TDRD10: variants seen among roughly 807,000 people sequenced by gnomAD.
TDRD10 encodes the protein tudor domain containing 10.
In TDRD10, 40 loss-of-function variants were observed where a neutral mutation model predicts 48.0. The observed-to-expected ratio is 0.83, with a 90% CI of 0.65 to 1.09. The LOEUF (loss-of-function observed/expected upper bound fraction) is 1.09. TDRD10 is among the 50% of genes least tolerant of loss of function. The pLI, the probability that TDRD10 is intolerant of heterozygous loss-of-function variation, is 0.00. For synonymous variants in TDRD10, 162 were observed against 170.4 expected (o/e 0.95, Z 0.38); for missense variants, 378 against 434.7 (o/e 0.87, Z 1.16).
intron 6 of TDRD10, among the ~76,000 whole-genome samples, chr1:154,524,339 G>T (rs1230200161): frequency 1.3e-5 from 2 of 152,004 alleles, no homozygotes; most frequent in African/African-American, 4.8e-5. Flanking sequence ...ACTAATTTTT[G>T]TATTTTTTGT....
At position 154,521,401 on chromosome 1, in the gene TDRD10, G is replaced by A; in HGVS notation, c.291G>A (p.Lys97=). ...AGCTGAATGGTAAACTCTTCCACAA[G>A]CGAAAACTGTTCGTGAATACAAGCA... ...IQELNGKLFH[K]RKLFVNTSKR... Residue 97 remains lysine (K), a synonymous_variant, in exon 6 of 13, where the codon AAG becomes AAA. Transcript: ENST00000368482. The A allele has an allele frequency of 2.5e-6, 4 of 1,614,206 alleles. No individual in the cohort carries two copies.
At chr1:154,510,910 G>T (rs1693430301) in intron 4 of TDRD10, among the ~76,000 whole-genome samples, 1 of 151,560 alleles carries the variant, frequency 6.6e-6, no homozygotes, top group Non-Finnish European at 1.5e-5. Context: ...GCGGGGCATG[G>T]TGGTGGGCGC....
At chr1:154,536,264 T>C (rs529464875) in intron 6 of TDRD10, among the ~76,000 whole-genome samples, 1 of 152,254 alleles carries the variant, frequency 6.6e-6, no homozygotes, top group East Asian at 1.9e-4. Flanking sequence ...TAATCCTAGC[T>C]ACTCAGGAGG....
intron 2 of TDRD10, 64 bp from the exon 3 acceptor site, chr1:154,507,177 G>GTC: frequency 6.9e-7 from 1 of 1,456,834 alleles, no homozygotes; most frequent in Non-Finnish European, 9.1e-7. Context: ...GCTTATGCCT[G>GTC]ACACGTTTCC....
chr1:154,514,870 A>ATTTT (rs1413936880), intron 4 of TDRD10, among the ~76,000 whole-genome samples: 8 of 150,186 alleles, frequency 5.3e-5, no homozygotes, highest in African/African-American at 2.0e-4. Context: ...TTATTTATTT[A>ATTTT]TTTATTTTTT....
intron 11 of TDRD10, among the ~76,000 whole-genome samples, chr1:154,545,845 A>C (rs1570994891): frequency 7.2e-6 from 1 of 138,932 alleles, no homozygotes; most frequent in Non-Finnish European, 1.5e-5. Flanking sequence ...ATCTCGGCTC[A>C]CTGCAACCTC....
intron 4 of TDRD10, among the ~76,000 whole-genome samples, chr1:154,513,599 C>T (rs920423952): frequency 1.3e-5 from 2 of 152,092 alleles, no homozygotes; most frequent in Admixed American, 6.5e-5. Flanking sequence ...ATTTTAGCCT[C>T]ACTAAAAATG....
intron 6 of TDRD10, among the ~76,000 whole-genome samples, chr1:154,530,979 C>T (rs905903485): frequency 6.6e-6 from 1 of 151,458 alleles, no homozygotes; most frequent in East Asian, 1.9e-4. Context: ...GCTGGGATTA[C>T]AGGGACCTGC....
At chr1:154,530,270 C>A (rs1295967774) in intron 6 of TDRD10, among the ~76,000 whole-genome samples, 1 of 152,170 alleles carries the variant, frequency 6.6e-6, no homozygotes. Flanking sequence ...CCGCCTCGGT[C>A]TCCCAGAGTG....
chr1:154,527,998 G>A (rs1694400395), intron 6 of TDRD10, among the ~76,000 whole-genome samples: 1 of 152,118 alleles, frequency 6.6e-6, no homozygotes, highest in Non-Finnish European at 1.5e-5. Flanking sequence ...TAGTAACATT[G>A]ACCCAGTCCA....
chr1:154,541,916 A>G (rs113721329), intron 6 of TDRD10, 108 bp from the exon 7 acceptor site: 1 of 1,108,352 alleles, frequency 9.0e-7, no homozygotes. Context: ...GAGTCAGAAC[A>G]GGGGCTGCCG....
chr1:154,515,055 A>G (rs1199120986), intron 4 of TDRD10, among the ~76,000 whole-genome samples: 1 of 151,862 alleles, frequency 6.6e-6, no homozygotes, highest in Middle Eastern at 3.4e-3. Context: ...TTTAGTAGAG[A>G]CGGGGCTTCA....
At chr1:154,516,877 G>T (rs1449399138) in intron 4 of TDRD10, among the ~76,000 whole-genome samples, 1 of 152,178 alleles carries the variant, frequency 6.6e-6, no homozygotes, top group Non-Finnish European at 1.5e-5. Context: ...AGCCTGGGAG[G>T]CAGTGGCTGT....
chr1:154,508,803 T>A (rs1693291056), intron 4 of TDRD10, among the ~76,000 whole-genome samples: 1 of 152,202 alleles, frequency 6.6e-6, no homozygotes, highest in South Asian at 2.1e-4. Context: ...AGGGCTCAGC[T>A]GCTGATCCTT....
chr1:154,521,439 A>G lies in TDRD10; in HGVS notation c.329A>G (p.Lys110Arg). ...GTGAATACAAGCAAAAGGCCCCCCA[A>G]GAGGACCCCTGATATGATCCAGCAG... ...LFVNTSKRPP[K>R]RTPDMIQQPR... is the part of the protein sequence containing the mutation. The change falls in exon 6 of 13, where the codon AAG (lysine) becomes AGG (arginine). Residue 110 changes from lysine (K) to arginine (R), a missense_variant. By Grantham distance (26) the Lys-to-Arg change is conservative. Around this residue, in one of 2 missense-constraint regions of TDRD10, gnomAD observed 310 missense variants for 323.6 expected, o/e 0.96. Transcript: ENST00000368482. The G allele has an allele frequency of 6.2e-7, 1 of 1,614,158 alleles. No homozygotes were observed. The highest frequency in any genetic ancestry group is 8.5e-7 in the Non-Finnish European group (1 of 1,180,034).
chr1:154,529,546 ATTTTT>A (rs56210038), intron 6 of TDRD10, among the ~76,000 whole-genome samples: 1 of 130,658 alleles, frequency 7.7e-6, no homozygotes, highest in Non-Finnish European at 1.7e-5. Context: ...TTCTGTGTTC[ATTTTT>A]TTTTTTTTTT....
intron 6 of TDRD10, among the ~76,000 whole-genome samples, chr1:154,525,098 T>C (rs1694242185): frequency 6.6e-6 from 1 of 152,230 alleles, no homozygotes; most frequent in African/African-American, 2.4e-5. Flanking sequence ...TCACATGCTT[T>C]CCTTTGCTCA....
rs563760756 is a variant in TDRD10 at position 154,502,724 on chromosome 1, C to T, written c.-333C>T. The T allele has an allele frequency of 6.6e-6, 1 of 152,416 alleles. No homozygotes were observed. Among genetic ancestry groups the T allele is most frequent in the South Asian group, 2.1e-4 (1 of 4,826 alleles). 9.4% of individuals were successfully genotyped at this position (152,416 alleles called of 1,614,324 possible). On this transcript the variant is annotated 5_prime_UTR_variant, in exon 1 of 13. Coordinates refer to ENST00000368482, the MANE Select transcript of TDRD10 (RefSeq NM_182499.4). ...CCGCTCACCCCCGGGAAGGAAGCCC[C>T]TCGCCCACCCACTCCGCTCTACTCC... is the stretch of plus-strand genomic sequence containing the variant.
At chr1:154,506,596 G>A (rs1359347286) in intron 1 of TDRD10, among the ~76,000 whole-genome samples, 20 of 152,120 alleles carry the variant, frequency 1.3e-4, no homozygotes, top group Admixed American at 1.1e-3. Flanking sequence ...GGCTGGTCTC[G>A]AACTCCTGAC....
Sources: gnomAD v4.1 joint callset for allele counts (sites outside exome capture counted in the v4.1 genomes callset) on GRCh38, gnomAD v4.1.1 for gene constraint, gnomAD v4.1.1 regional missense constraint, MANE v1.5 for transcripts, NCBI Gene and HGNC (gene_info 2026-07-23, HGNC 2026-07-21) for gene names.